The following PTBP3 variants were observed in gnomAD, a reference collection of about 807,000 sequenced individuals.
PTBP3 encodes polypyrimidine tract binding protein 3.
A neutral mutation model predicts 58.7 loss-of-function variants in PTBP3; 20 were observed. The observed-to-expected ratio is 0.34, with a 90% confidence interval of 0.24 to 0.50. The LOEUF is 0.50. PTBP3 is among the 20% of genes least tolerant of loss of function. PTBP3 has a pLI of 0.98. For synonymous variants in PTBP3, 185 were observed against 219.8 expected, an observed-to-expected ratio of 0.84 and a Z score of 1.40; for missense variants, 509 against 637.2, an observed-to-expected ratio of 0.80 and a Z score of 2.17.
the PTBP3 span, among the ~76,000 whole-genome samples, chr9:112,344,441 T>C: frequency 6.6e-6 from 1 of 152,290 alleles, no homozygotes; most frequent in East Asian, 1.9e-4. Context: ...TCTCTTTTGC[T>C]TCCTCTCTTG....
At chr9:112,351,748 C>CA in the PTBP3 span, among the ~76,000 whole-genome samples, 1 of 151,872 alleles carries the variant, frequency 6.6e-6, no homozygotes, top group Non-Finnish European at 1.5e-5. Context: ...TTTTGTTGCC[C>CA]AAATTTTTCC....
At chr9:112,358,124 G>A in the PTBP3 span, among the ~76,000 whole-genome samples, 4 of 152,110 alleles carry the variant, frequency 2.6e-5, no homozygotes, top group South Asian at 4.1e-4. Flanking sequence ...GCTGGCCAAC[G>A]TGATGATACC....
chr9:112,226,432 C>A lies in PTBP3; in HGVS notation c.1364+979G>T, dbSNP rs114808392. Among the ~76,000 whole-genome samples, 392 of 152,292 alleles carry A rather than the reference C, an allele frequency of 2.6e-3. 1 individual carries two copies. Among genetic ancestry groups the A allele is most frequent in the African/African-American group, 9.0e-3 (373 of 41,552 alleles). ...TTTTAAATTTTTACACACATACACA[C>A]ACATCCCCCACAGCTTTTATCTCTT... On this transcript the variant is annotated intron_variant, in intron 12 of 13. Coordinates refer to ENST00000374257, the MANE Select transcript of PTBP3 (RefSeq NM_001163788.4).
chr9:112,270,409 T>C (rs553059514), intron 3 of PTBP3, among the ~76,000 whole-genome samples: 1 of 152,382 alleles, frequency 6.6e-6, no homozygotes, highest in Non-Finnish European at 1.5e-5. Flanking sequence ...TTTACTTGTA[T>C]GTATGGAATC....
intron 1 of PTBP3, among the ~76,000 whole-genome samples, chr9:112,316,697 T>C (rs1182980302): frequency 6.6e-6 from 1 of 152,088 alleles, no homozygotes; most frequent in Non-Finnish European, 1.5e-5. Context: ...CCCAGGACTT[T>C]GGGAGGCCGA....
At chr9:112,225,895 A>C (rs1834970392) in intron 12 of PTBP3, among the ~76,000 whole-genome samples, 1 of 152,070 alleles carries the variant, frequency 6.6e-6, no homozygotes, top group Non-Finnish European at 1.5e-5. Context: ...AAAAATACAA[A>C]AAATTAGCTG....
Position 112,286,581 on chromosome 9 carries a change from C to T in PTBP3, c.35-10568G>A, listed in dbSNP as rs535864542. Among the ~76,000 whole-genome samples, 13 of 152,266 alleles carry T rather than the reference C, an allele frequency of 8.5e-5. No individual in the cohort carries two copies. In the South Asian group the frequency reaches 2.7e-3, roughly 32 times the overall value. Reference sequence around the variant, plus strand: ...CCTTCCAAAGTATACGTCTCTTTCCCTCAAGCTATCCTTTGTGGTACTGTT... The same window carrying T: ...CCTTCCAAAGTATACGTCTCTTTCCTTCAAGCTATCCTTTGTGGTACTGTT... On this transcript the variant is annotated intron_variant, in intron 2 of 13. Coordinates refer to ENST00000374257, the MANE Select transcript of PTBP3 (RefSeq NM_001163788.4).
In PTBP3 at chr9:112,228,374, T is replaced by C; in HGVS notation, c.1147+6A>G. 1.3e-6 allele frequency: 2 copies of C among 1,575,398 alleles called. No individual in the cohort carries two copies. Among genetic ancestry groups the C allele is most frequent in the Non-Finnish European group, 1.7e-6 (2 of 1,161,650 alleles). On this transcript the variant is annotated splice_donor_region_variant and intron_variant, in intron 11 of 13. Transcript: ENST00000374257. Reference sequence around the variant, plus strand: ...ATTATTATTAATAATTATTAATCATTAGTACCTAGCTGAGCTTGATTTGCA... The same window carrying C: ...ATTATTATTAATAATTATTAATCATCAGTACCTAGCTGAGCTTGATTTGCA...
chr9:112,263,019 T>C (rs370085629), intron 4 of PTBP3, among the ~76,000 whole-genome samples: 2 of 152,184 alleles, frequency 1.3e-5, no homozygotes, highest in Admixed American at 6.5e-5. Context: ...TCTAAAAGAA[T>C]AGCTGATTCC....
chr9:112,345,739 A>G, the PTBP3 span, among the ~76,000 whole-genome samples: 1 of 152,232 alleles, frequency 6.6e-6, no homozygotes, highest in Non-Finnish European at 1.5e-5. Flanking sequence ...AATAGCTCAG[A>G]CAGTCTTAAA....
At chr9:112,224,839 C>T (rs148099357) in intron 12 of PTBP3, among the ~76,000 whole-genome samples, 6 of 152,246 alleles carry the variant, frequency 3.9e-5, no homozygotes, top group African/African-American at 7.2e-5. Context: ...GGAAGGACAC[C>T]GTGAAGACAC....
At chr9:112,362,016 G>C in the PTBP3 span, among the ~76,000 whole-genome samples, 1 of 152,272 alleles carries the variant, frequency 6.6e-6, no homozygotes, top group South Asian at 2.1e-4. Flanking sequence ...TCATGTGCTT[G>C]TTGCCATTAG....
intron 10 of PTBP3, among the ~76,000 whole-genome samples, chr9:112,229,936 T>C (rs1274593563): frequency 6.6e-6 from 1 of 152,200 alleles, no homozygotes; most frequent in Admixed American, 6.5e-5. Flanking sequence ...CATATTAAAA[T>C]GTATTATTAA....
chr9:112,275,795 C>A, intron 3 of PTBP3, 49 bp downstream of exon 3: 1 of 1,445,536 alleles, frequency 6.9e-7, no homozygotes, highest in Non-Finnish European at 9.5e-7. Flanking sequence ...ATCAGTAATA[C>A]TAACATCTGG....
chr9:112,304,695 A>T (rs996762628), intron 1 of PTBP3, among the ~76,000 whole-genome samples: 4 of 152,188 alleles, frequency 2.6e-5, no homozygotes, highest in Non-Finnish European at 5.9e-5. Flanking sequence ...CCTCCCATGT[A>T]GCTAGGACTA....
At chr9:112,238,074 C>G (rs1197200801) in intron 7 of PTBP3, among the ~76,000 whole-genome samples, 1 of 152,004 alleles carries the variant, frequency 6.6e-6, no homozygotes, top group African/African-American at 2.4e-5. Context: ...ATAATTAATT[C>G]TCCAAGTAAA....
At chr9:112,305,940 AAAAAAT>A (rs912419311) in intron 1 of PTBP3, among the ~76,000 whole-genome samples, 7 of 152,192 alleles carry the variant, frequency 4.6e-5, no homozygotes, top group African/African-American at 9.6e-5. Context: ...ACTCTGTCTC[AAAAAAT>A]AAAAATAAAA....
chr9:112,240,804 G>A (rs1217370769), intron 7 of PTBP3, among the ~76,000 whole-genome samples: 1 of 152,048 alleles, frequency 6.6e-6, no homozygotes, highest in Non-Finnish European at 1.5e-5. Context: ...AGAAGTAGAA[G>A]ACAGTGATAT....
At chr9:112,354,912 T>C in the PTBP3 span, among the ~76,000 whole-genome samples, 3 of 152,226 alleles carry the variant, frequency 2.0e-5, no homozygotes, top group Admixed American at 2.0e-4. Flanking sequence ...AGGAGTCAAA[T>C]GTTTCTCTTT....
Sources: gnomAD v4.1 joint callset for allele counts (sites outside exome capture counted in the v4.1 genomes callset) on GRCh38, gnomAD v4.1.1 for gene constraint, MANE v1.5 for transcripts, NCBI Gene and HGNC (gene_info 2026-07-23, HGNC 2026-07-21) for gene names.